The following SHROOM3 variants were observed in gnomAD, a reference collection of about 807,000 sequenced individuals.
The protein encoded by SHROOM3 is protein Shroom3.
In SHROOM3, 47 loss-of-function variants were observed where a neutral mutation model predicts 138.6. The ratio of observed to expected loss-of-function variants is 0.34; its 90% CI spans 0.27 to 0.43. The LOEUF (loss-of-function observed/expected upper bound fraction) is 0.43, where lower values mean the gene tolerates loss of function less well. SHROOM3 is among the 20% of genes least tolerant of loss of function. The probability of loss-of-function intolerance (pLI) is 1.00; values close to 1 mark genes in which losing one functional copy is unlikely to be tolerated. For synonymous variants in SHROOM3, 1,062 were observed against 1,063.3 expected (o/e 1.00, Z 0.02); for missense variants, 2,491 against 2,596.5 (o/e 0.96, Z 0.88).
intron 2 of SHROOM3, among the ~76,000 whole-genome samples, chr4:76,643,866 C>T (rs945941199): frequency 5.9e-5 from 9 of 151,950 alleles, no homozygotes; most frequent in South Asian, 4.1e-4. Context: ...TAATCTGAGA[C>T]GGAGTTTTGC....
intron 10 of SHROOM3, among the ~76,000 whole-genome samples, chr4:76,771,466 C>T (rs1285611819): frequency 6.6e-6 from 1 of 152,162 alleles, no homozygotes; most frequent in Non-Finnish European, 1.5e-5. Flanking sequence ...TTCCTCCCAA[C>T]TGTCTTCCTT....
At chr4:76,570,467 C>A (rs1281311602) in intron 2 of SHROOM3, among the ~76,000 whole-genome samples, 11 of 152,126 alleles carry the variant, frequency 7.2e-5, no homozygotes, top group Non-Finnish European at 1.3e-4. Flanking sequence ...GGATTCAAGG[C>A]CCTTTCAACC....
chr4:76,594,531 A>T lies in SHROOM3; in HGVS notation c.323+38768A>T, dbSNP rs185503695. Among the ~76,000 whole-genome samples, 8 of 152,354 alleles carry T rather than the reference A, an allele frequency of 5.3e-5. No homozygotes were observed. In the East Asian group the frequency reaches 1.5e-3, roughly 29 times the overall value. The stretch of plus-strand genomic sequence containing the variant: ...AACTTTAACTTTGAAAAGTTAAAAA[A>T]CATAAAATTAGAGGTGAGGACATCA... On this transcript the variant is annotated intron_variant, in intron 2 of 10. Coordinates refer to ENST00000296043, the MANE Select transcript of SHROOM3 (RefSeq NM_020859.4).
intron 1 of SHROOM3, among the ~76,000 whole-genome samples, chr4:76,547,776 A>G (rs576907073): frequency 6.6e-6 from 1 of 152,210 alleles, no homozygotes; most frequent in African/African-American, 2.4e-5. Flanking sequence ...CTAAAGATAC[A>G]AAAATTAACT....
chr4:76,634,369 T>A (rs1735430901), intron 2 of SHROOM3, among the ~76,000 whole-genome samples: 1 of 152,094 alleles, frequency 6.6e-6, no homozygotes, highest in African/African-American at 2.4e-5. Context: ...GGAATTATTT[T>A]TGTTGTTCTA....
chr4:76,676,160 G>A (rs888298478), intron 2 of SHROOM3, among the ~76,000 whole-genome samples: 3 of 152,122 alleles, frequency 2.0e-5, no homozygotes, highest in African/African-American at 7.2e-5. Context: ...TTTATGACAA[G>A]TACCAAAAAT....
chr4:76,760,504 T>C (rs1463599519), intron 9 of SHROOM3, among the ~76,000 whole-genome samples: 1 of 152,202 alleles, frequency 6.6e-6, no homozygotes, highest in Non-Finnish European at 1.5e-5. Flanking sequence ...GGTAAGTGGT[T>C]TTCAGTGATC....
chr4:76,751,914 T>C (rs1410588918), intron 6 of SHROOM3, among the ~76,000 whole-genome samples: 1 of 152,138 alleles, frequency 6.6e-6, no homozygotes, highest in Non-Finnish European at 1.5e-5. Flanking sequence ...TCTCAGAACA[T>C]TAAAAATAGA....
chr4:76,683,925 G>T (rs1719265715), intron 2 of SHROOM3, among the ~76,000 whole-genome samples: 1 of 151,994 alleles, frequency 6.6e-6, no homozygotes, highest in African/African-American at 2.4e-5. Context: ...TCTTCTTCCT[G>T]CAATGCCACT....
intron 1 of SHROOM3, among the ~76,000 whole-genome samples, chr4:76,529,686 T>A (rs1315796883): frequency 2.0e-5 from 3 of 152,128 alleles, no homozygotes; most frequent in African/African-American, 7.2e-5. Flanking sequence ...CCCAAACCCA[T>A]CTGAGGTTTC....
chr4:76,639,994 A>G (rs1735619049), intron 2 of SHROOM3, among the ~76,000 whole-genome samples: 1 of 152,050 alleles, frequency 6.6e-6, no homozygotes, highest in African/African-American at 2.4e-5. Flanking sequence ...TTGCTTATAC[A>G]TTGGTTTTGC....
intron 2 of SHROOM3, among the ~76,000 whole-genome samples, chr4:76,676,899 C>T (rs1299918235): frequency 6.3e-5 from 9 of 143,242 alleles, no homozygotes; most frequent in Middle Eastern, 3.6e-3. Context: ...GCAGAGATGG[C>T]GCCACTGCAC....
intron 5 of SHROOM3, among the ~76,000 whole-genome samples, chr4:76,746,704 A>C (rs1721444315): frequency 6.6e-6 from 1 of 151,880 alleles, no homozygotes; most frequent in South Asian, 2.1e-4. Context: ...TTCACATTTC[A>C]TCAGTGACAG....
intron 1 of SHROOM3, among the ~76,000 whole-genome samples, chr4:76,472,906 A>G (rs942436817): frequency 1.3e-5 from 2 of 152,194 alleles, no homozygotes; most frequent in South Asian, 4.1e-4. Flanking sequence ...TATTGGCCAG[A>G]CTGGTCTCAA....
chr4:76,547,625 C>T (rs966652423), intron 1 of SHROOM3, among the ~76,000 whole-genome samples: 10 of 151,946 alleles, frequency 6.6e-5, no homozygotes, highest in African/African-American at 1.2e-4. Flanking sequence ...AAGCAAGATA[C>T]GTAAGTAAAA....
chr4:76,604,788 C>A (rs1321673232), intron 2 of SHROOM3, among the ~76,000 whole-genome samples: 1 of 152,100 alleles, frequency 6.6e-6, no homozygotes. Flanking sequence ...AGTGACCTTG[C>A]GTTCAAAATA....
intron 1 of SHROOM3, among the ~76,000 whole-genome samples, chr4:76,467,896 T>C (rs1731280052): frequency 6.6e-6 from 1 of 152,196 alleles, no homozygotes; most frequent in Non-Finnish European, 1.5e-5. Context: ...GCATAAAACT[T>C]TCTAATATCT....
chr4:76,513,959 A>G (rs150237634), intron 1 of SHROOM3, among the ~76,000 whole-genome samples: 44 of 152,334 alleles, frequency 2.9e-4, no homozygotes, highest in African/African-American at 1.0e-3. Flanking sequence ...TTTATTGAGG[A>G]CCAAAGACCT....
intron 1 of SHROOM3, among the ~76,000 whole-genome samples, chr4:76,468,971 T>C (rs1437733216): frequency 6.6e-6 from 1 of 151,682 alleles, no homozygotes; most frequent in Non-Finnish European, 1.5e-5. Context: ...GAGGTGCAGC[T>C]TGCAGTGAGC....
Sources: gnomAD v4.1 joint callset for allele counts (sites outside exome capture counted in the v4.1 genomes callset) on GRCh38, gnomAD v4.1.1 for gene constraint, MANE v1.5 for transcripts, NCBI Gene and HGNC (gene_info 2026-07-23, HGNC 2026-07-21) for gene names.